The following ASH1L variants were observed in gnomAD, a reference collection of about 807,000 sequenced individuals.
The protein encoded by ASH1L is ASH1 like histone lysine methyltransferase, also known as histone-lysine N-methyltransferase ASH1L.
In ASH1L, 23 loss-of-function variants were observed where a neutral mutation model predicts 269.0. The observed-to-expected ratio is 0.09, with a 90% CI of 0.06 to 0.12. ASH1L has a LOEUF of 0.12. ASH1L is among the 10% of genes least tolerant of loss of function. ASH1L has a pLI of 1.00. For synonymous variants in ASH1L, 1,187 were observed against 1,253.5 expected, an observed-to-expected ratio of 0.95 and a Z score of 1.12; for missense variants, 2,912 against 3,567.8, an observed-to-expected ratio of 0.82 and a Z score of 4.68.
At chr1:155,433,794 A>C in intron 5 of ASH1L, 1 of 1,606,876 alleles carries the variant, frequency 6.2e-7, no homozygotes, top group Non-Finnish European at 8.5e-7. Flanking sequence ...CCCTTGCTGC[A>C]GAAGTGGGTG....
chr1:155,411,592 T>TAA (rs1558075747), intron 6 of ASH1L, among the ~76,000 whole-genome samples: 1 of 39,622 alleles, frequency 2.5e-5, no homozygotes, highest in African/African-American at 6.3e-5. Context: ...AATAAATATA[T>TAA]ATATATATAT....
intron 2 of ASH1L, among the ~76,000 whole-genome samples, chr1:155,502,241 T>C (rs1190200095): frequency 6.6e-6 from 1 of 151,500 alleles, no homozygotes; most frequent in Non-Finnish European, 1.5e-5. Context: ...CAGCTAATTT[T>C]TTGTATTTTT....
intron 1 of ASH1L, 26 bp from the exon 2 acceptor site, chr1:155,521,644 T>G: frequency 1.1e-6 from 1 of 942,106 alleles, no homozygotes; most frequent in Non-Finnish European, 1.6e-6. Context: ...TAACAAAAAT[T>G]TATCAGAAAA....
intron 19 of ASH1L, 131 bp from the exon 20 acceptor site, chr1:155,348,035 AAT>A: frequency 9.6e-7 from 1 of 1,044,708 alleles, no homozygotes; most frequent in Non-Finnish European, 1.4e-6. Flanking sequence ...AATAGTATCA[AAT>A]ATATGGCCAG....
At chr1:155,534,578 G>C (rs1261723777) in intron 1 of ASH1L, among the ~76,000 whole-genome samples, 2 of 151,898 alleles carry the variant, frequency 1.3e-5, no homozygotes, top group Non-Finnish European at 2.9e-5. Context: ...CCCTTGCTTT[G>C]TGGGGCCAAT....
chr1:155,557,929 G>A (rs1671710337), intron 1 of ASH1L, among the ~76,000 whole-genome samples: 1 of 152,146 alleles, frequency 6.6e-6, no homozygotes, highest in South Asian at 2.1e-4. Context: ...TAGTGAGGTT[G>A]TATACTACCT....
rs753001647 is a variant in ASH1L, at chr1:155,481,548, C to A, written c.1322G>T (p.Ser441Ile). Residue 441 changes from serine to isoleucine, a missense_variant, in exon 3 of 28, where the codon AGT becomes ATT. This residue lies in a region of ASH1L where 715 missense variants were observed against 721.0 expected (regional missense o/e 0.99). Transcript: ENST00000392403. Reference protein sequence around the residue: ...PTQEPLKASCSTNINNQESQE... With the variant: ...PTQEPLKASCITNINNQESQE... The stretch of plus-strand genomic sequence containing the variant: ...ACTTTCCTGATTATTGATGTTTGTA[C>A]TACAAGAAGCCTTAAGCGGTTCCTG... The A allele has an allele frequency of 6.2e-7, 1 of 1,614,124 alleles. No homozygotes were observed. The highest frequency in any genetic ancestry group is 8.5e-7 in the Non-Finnish European group (1 of 1,180,020).
chr1:155,421,619 C>T (rs1022475283), intron 5 of ASH1L, among the ~76,000 whole-genome samples: 1 of 150,242 alleles, frequency 6.7e-6, no homozygotes, highest in Non-Finnish European at 1.5e-5. Flanking sequence ...TGCAGTGAGC[C>T]GAGATCACGC....
intron 5 of ASH1L, among the ~76,000 whole-genome samples, chr1:155,428,592 A>G (rs543376546): frequency 3.0e-4 from 46 of 152,158 alleles, no homozygotes; most frequent in Admixed American, 1.0e-3. Context: ...CTGTGGGTTT[A>G]CCAGAATAAG....
intron 2 of ASH1L, among the ~76,000 whole-genome samples, chr1:155,496,991 G>C (rs1344781208): frequency 2.6e-5 from 4 of 152,024 alleles, no homozygotes; most frequent in African/African-American, 9.7e-5. Context: ...CCGTCTGCCA[G>C]TCCACCACAA....
chr1:155,395,858 A>G (rs1658300974), intron 6 of ASH1L, among the ~76,000 whole-genome samples: 1 of 152,192 alleles, frequency 6.6e-6, no homozygotes, highest in Admixed American at 6.6e-5. Context: ...GAAAGAAAAG[A>G]AAGATGCTCT....
chr1:155,473,797 G>A (rs1056232082), intron 3 of ASH1L, among the ~76,000 whole-genome samples: 3 of 151,924 alleles, frequency 2.0e-5, no homozygotes, highest in East Asian at 1.9e-4. Context: ...ACCATTCCCA[G>A]CCTCTTTATT....
chr1:155,550,863 G>A (rs1349097229), intron 1 of ASH1L, among the ~76,000 whole-genome samples: 1 of 152,138 alleles, frequency 6.6e-6, no homozygotes, highest in African/African-American at 2.4e-5. Context: ...TCATCTTGTT[G>A]CCCAGGCTAG....
At chr1:155,348,266 A>T (rs1653544023) in intron 19 of ASH1L, among the ~76,000 whole-genome samples, 1 of 152,166 alleles carries the variant, frequency 6.6e-6, no homozygotes, top group Non-Finnish European at 1.5e-5. Context: ...TCTGTGACAG[A>T]TCTACAGGTG....
intron 1 of ASH1L, among the ~76,000 whole-genome samples, chr1:155,525,353 C>G (rs960701449): frequency 8.6e-5 from 13 of 152,030 alleles, no homozygotes; most frequent in African/African-American, 3.1e-4. Context: ...ACTCTGAAAT[C>G]CAAGTTTTTT....
At chr1:155,425,894 G>GTT (rs35782870) in intron 5 of ASH1L, among the ~76,000 whole-genome samples, 186 of 143,452 alleles carry the variant, frequency 1.3e-3, no homozygotes, top group South Asian at 3.9e-3. Context: ...TTTTTGTGGT[G>GTT]TTTTTTTTTT....
chr1:155,378,387 C>T lies in ASH1L; in HGVS notation c.6226G>A (p.Val2076Ile), dbSNP rs1286983566. 25 of 1,613,758 alleles carry T rather than the reference C, an allele frequency of 1.5e-5. No individual in the cohort carries two copies. The highest frequency in any genetic ancestry group is 4.0e-5 in the African/African-American group (3 of 74,926). The change falls in exon 10 of 28, where the codon GTC (valine) becomes ATC (isoleucine). Residue 2076 changes from valine (V) to isoleucine (I), a missense_variant and splice_region_variant. This residue lies in a region of ASH1L where 193 missense variants were observed against 311.6 expected (regional missense o/e 0.62). Coordinates refer to ENST00000392403, the MANE Select transcript of ASH1L (RefSeq NM_018489.3). ...VPLYKKIRSNVYVDVKPLSGY... is the reference protein window; with the variant it reads ...VPLYKKIRSNIYVDVKPLSGY... ...GAAAGGGGTTTGACATCAACGTAGA[C>T]ATCTTGAAAAGAAAGCAAAGAATAG...
chr1:155,525,497 A>C (rs1365037057), intron 1 of ASH1L, among the ~76,000 whole-genome samples: 1 of 151,670 alleles, frequency 6.6e-6, no homozygotes, highest in Non-Finnish European at 1.5e-5. Context: ...ACTACTCCCA[A>C]ACACCACTGT....
At chr1:155,445,645 A>G (rs1662951728) in intron 4 of ASH1L, among the ~76,000 whole-genome samples, 1 of 152,144 alleles carries the variant, frequency 6.6e-6, no homozygotes, top group Non-Finnish European at 1.5e-5. Context: ...AAATTTTAGA[A>G]TCAGTCTGCC....
Sources: gnomAD v4.1 joint callset for allele counts (sites outside exome capture counted in the v4.1 genomes callset) on GRCh38, gnomAD v4.1.1 for gene constraint, gnomAD v4.1.1 regional missense constraint, MANE v1.5 for transcripts, NCBI Gene and HGNC (gene_info 2026-07-23, HGNC 2026-07-21) for gene names.